The following ZC3H12B variants were observed in gnomAD, a reference collection of about 807,000 sequenced individuals.
ZC3H12B encodes zinc finger CCCH-type containing 12B, also known as probable ribonuclease ZC3H12B.
A neutral mutation model predicts 43.9 loss-of-function variants in ZC3H12B; 7 were observed. The observed-to-expected ratio is 0.16, with a 90% CI of 0.09 to 0.30. The LOEUF (loss-of-function observed/expected upper bound fraction) is 0.30. ZC3H12B is among the 10% of genes least tolerant of loss of function. ZC3H12B has a pLI of 1.00. For synonymous variants in ZC3H12B, 222 were observed against 241.7 expected (o/e 0.92, Z 0.76); for missense variants, 475 against 670.2 (o/e 0.71, Z 3.22).
the ZC3H12B span, among the ~76,000 whole-genome samples, chrX:65,301,964 G>C: frequency 9.1e-6 from 1 of 110,277 alleles, no homozygotes; most frequent in Middle Eastern, 4.8e-3. Flanking sequence ...CAAAATCCAC[G>C]TTCCATTTAT....
chrX:65,259,188 ACAT>A, the ZC3H12B span, among the ~76,000 whole-genome samples: 50 of 112,133 alleles, frequency 4.5e-4, no homozygotes, highest in Non-Finnish European at 6.0e-4. Flanking sequence ...AATAATCAAA[ACAT>A]CATAGTACTG....
At chrX:65,312,931 G>A in the ZC3H12B span, among the ~76,000 whole-genome samples, 1 of 111,470 alleles carries the variant, frequency 9.0e-6, no homozygotes, top group Non-Finnish European at 1.9e-5. Flanking sequence ...GCCCAGGCTG[G>A]AGTGCAGTGG....
chrX:65,228,568 C>T, the ZC3H12B span, among the ~76,000 whole-genome samples: 1 of 110,722 alleles, frequency 9.0e-6, no homozygotes, highest in Non-Finnish European at 1.9e-5. Context: ...AAAGGGTATT[C>T]AATTAGGAAA....
At chrX:65,467,461 G>T (rs904814547) in intron 3 of ZC3H12B, among the ~76,000 whole-genome samples, 3 of 111,369 alleles carry the variant, frequency 2.7e-5, no homozygotes, top group African/African-American at 9.8e-5. Context: ...CCTTTGGATA[G>T]ATACCCAGTA....
chrX:65,483,115 G>A (rs946842307), intron 3 of ZC3H12B, among the ~76,000 whole-genome samples: 1 of 111,943 alleles, frequency 8.9e-6, no homozygotes, highest in South Asian at 3.7e-4. Context: ...AGAATGCATT[G>A]AAGGTAAAAT....
chrX:65,105,313 A>T, the ZC3H12B span, among the ~76,000 whole-genome samples: 2 of 111,255 alleles, frequency 1.8e-5, no homozygotes, highest in African/African-American at 6.5e-5. Flanking sequence ...TGTGGGGCTT[A>T]AAACCTAAAT....
the ZC3H12B span, among the ~76,000 whole-genome samples, chrX:65,306,500 G>A: frequency 9.0e-6 from 1 of 110,915 alleles, no homozygotes; most frequent in Non-Finnish European, 1.9e-5. Context: ...AGCCTCCCGA[G>A]TAGCTGGGAC....
At chrX:65,167,486 A>G in the ZC3H12B span, among the ~76,000 whole-genome samples, 3 of 111,765 alleles carry the variant, frequency 2.7e-5, no homozygotes, top group East Asian at 5.6e-4. Flanking sequence ...TGATGCCTCC[A>G]GCTTTGTTCT....
chrX:65,297,634 C>A, the ZC3H12B span, among the ~76,000 whole-genome samples: 2 of 110,447 alleles, frequency 1.8e-5, no homozygotes, highest in Non-Finnish European at 3.8e-5. Context: ...CCTCATAGAA[C>A]TAGAAAAAAA....
chrX:65,188,642 T>C, the ZC3H12B span, among the ~76,000 whole-genome samples: 1 of 110,851 alleles, frequency 9.0e-6, no homozygotes, highest in Non-Finnish European at 1.9e-5. Flanking sequence ...TTACATTTAT[T>C]CTTAGGTATC....
At chrX:65,065,502 G>T in the ZC3H12B span, among the ~76,000 whole-genome samples, 1 of 112,338 alleles carries the variant, frequency 8.9e-6, no homozygotes, top group Non-Finnish European at 1.9e-5. Flanking sequence ...GGTTTCTGCA[G>T]AGAGAGCCAC....
the ZC3H12B span, among the ~76,000 whole-genome samples, chrX:65,121,658 G>C: frequency 9.0e-6 from 1 of 111,040 alleles, no homozygotes; most frequent in East Asian, 2.8e-4. Context: ...CTTCATTTCT[G>C]CTGTGATCTT....
At chrX:65,086,165 C>A in the ZC3H12B span, among the ~76,000 whole-genome samples, 1 of 109,051 alleles carries the variant, frequency 9.2e-6, no homozygotes, top group Non-Finnish European at 1.9e-5. Flanking sequence ...CCTTCTATGA[C>A]CTTGGCACTT....
intron 4 of ZC3H12B, 86 bp downstream of exon 9, chrX:65,500,075 C>A: frequency 1.4e-6 from 1 of 740,595 alleles, no homozygotes; most frequent in Non-Finnish European, 2.0e-6. Context: ...GTTTCCCTTT[C>A]AAATGGGAAA....
At chrX:65,502,572 T>G (rs1261862941) in exon 5 of ZC3H12B, 1 of 1,208,552 alleles carries the variant, frequency 8.3e-7, no homozygotes, top group Non-Finnish European at 1.1e-6. Context: ...CAGAACCGAC[T>G]TCAGCCTTTT....
At chrX:65,181,717 A>G in the ZC3H12B span, among the ~76,000 whole-genome samples, 48 of 112,235 alleles carry the variant, frequency 4.3e-4, no homozygotes, top group African/African-American at 1.5e-3. Flanking sequence ...ATCTCAGACC[A>G]GTTAGAATGG....
At chrX:65,242,538 T>A in the ZC3H12B span, among the ~76,000 whole-genome samples, 1 of 112,328 alleles carries the variant, frequency 8.9e-6, no homozygotes, top group Non-Finnish European at 1.9e-5. Flanking sequence ...GTATCAATGT[T>A]GTTAATATGT....
the ZC3H12B span, among the ~76,000 whole-genome samples, chrX:65,307,219 C>T: frequency 2.7e-5 from 3 of 111,776 alleles, no homozygotes; most frequent in African/African-American, 9.7e-5. Flanking sequence ...AGTAATATAG[C>T]AATATCCAGA....
the ZC3H12B span, among the ~76,000 whole-genome samples, chrX:65,119,618 T>C: frequency 1.8e-5 from 2 of 112,067 alleles, no homozygotes; most frequent in African/African-American, 6.5e-5. Flanking sequence ...CTGATGATAG[T>C]TTCTTTTGCA....
Sources: gnomAD v4.1 joint callset for allele counts (sites outside exome capture counted in the v4.1 genomes callset) on GRCh38, gnomAD v4.1.1 for gene constraint, MANE v1.5 for transcripts, NCBI Gene and HGNC (gene_info 2026-07-23, HGNC 2026-07-21) for gene names.